Variants in RELN observed in about 807,000 individuals in gnomAD.
RELN encodes reelin.
In RELN, 108 loss-of-function variants were observed where a neutral mutation model predicts 427.6. The ratio of observed to expected loss-of-function variants is 0.25; its 90% CI spans 0.22 to 0.30. RELN has a LOEUF of 0.30. Ranked by LOEUF, RELN falls within the 10% of genes least tolerant of loss-of-function variation. RELN has a pLI of 1.00. For synonymous variants in RELN, 1,524 were observed against 1,513.4 expected, an observed-to-expected ratio of 1.01 and a Z score of -0.16; for missense variants, 3,715 against 4,302.8, an observed-to-expected ratio of 0.86 and a Z score of 3.82.
At chr7:103,612,678 C>G (rs1393701787) in intron 20 of RELN, among the ~76,000 whole-genome samples, 3 of 152,124 alleles carry the variant, frequency 2.0e-5, no homozygotes, top group African/African-American at 7.2e-5. Flanking sequence ...TTACAATTTT[C>G]TTTTTGTTTT....
chr7:103,689,248 G>C (rs185484513), intron 10 of RELN, among the ~76,000 whole-genome samples: 20 of 152,078 alleles, frequency 1.3e-4, no homozygotes, highest in African/African-American at 4.8e-4. Flanking sequence ...CAATGAACTA[G>C]GGTAATAAAG....
chr7:103,949,504 A>G (rs180673834), intron 1 of RELN, among the ~76,000 whole-genome samples: 1 of 152,114 alleles, frequency 6.6e-6, no homozygotes, highest in Non-Finnish European at 1.5e-5. Context: ...AGGAAGAGAC[A>G]CAAGACAGCT....
intron 8 of RELN, among the ~76,000 whole-genome samples, chr7:103,717,696 C>A (rs949840621): frequency 7.2e-5 from 11 of 151,830 alleles, no homozygotes; most frequent in African/African-American, 2.7e-4. Context: ...TAGTCTTATA[C>A]TTAGAGGTGT....
chr7:103,948,276 C>T (rs1444402388), intron 1 of RELN, among the ~76,000 whole-genome samples: 2 of 152,178 alleles, frequency 1.3e-5, no homozygotes, highest in Non-Finnish European at 2.9e-5. Context: ...CTGGTGAACA[C>T]ACACATGCAC....
intron 10 of RELN, among the ~76,000 whole-genome samples, chr7:103,688,064 C>T (rs1833799771): frequency 6.6e-6 from 1 of 152,068 alleles, no homozygotes; most frequent in South Asian, 2.1e-4. Context: ...TTATACCCAC[C>T]TCTTGGGGGA....
At chr7:103,887,163 C>T (rs1291723198) in intron 2 of RELN, among the ~76,000 whole-genome samples, 1 of 152,146 alleles carries the variant, frequency 6.6e-6, no homozygotes, top group Non-Finnish European at 1.5e-5. Context: ...TGCTAAAGAG[C>T]TGAAATAGAG....
chr7:103,987,117 A>T (rs1243225345), intron 1 of RELN, among the ~76,000 whole-genome samples: 2 of 151,872 alleles, frequency 1.3e-5, no homozygotes, highest in Non-Finnish European at 2.9e-5. Flanking sequence ...CTATAGCTAC[A>T]GCTAGTTCCA....
intron 38 of RELN, among the ~76,000 whole-genome samples, chr7:103,555,884 T>C (rs1830510544): frequency 6.6e-6 from 1 of 152,190 alleles, no homozygotes; most frequent in Non-Finnish European, 1.5e-5. Flanking sequence ...GTTAAGGAAA[T>C]AGGTTAAATT....
intron 49 of RELN, 45 bp downstream of exon 49, chr7:103,519,276 ATC>A (rs761090975): frequency 4.1e-6 from 6 of 1,446,020 alleles, no homozygotes; most frequent in Non-Finnish European, 5.8e-6. Context: ...GCTGGTAGCA[ATC>A]TCTGCTCGAT....
chr7:103,579,473 C>G (rs1831078545), intron 28 of RELN, among the ~76,000 whole-genome samples: 1 of 151,820 alleles, frequency 6.6e-6, no homozygotes, highest in Non-Finnish European at 1.5e-5. Context: ...TTGGCACATG[C>G]TTGTAATTCC....
chr7:103,770,949 C>G (rs1334055643), intron 4 of RELN, among the ~76,000 whole-genome samples: 2 of 137,354 alleles, frequency 1.5e-5, no homozygotes, highest in African/African-American at 5.5e-5. Context: ...GAGTCTTGCT[C>G]TGTTGCCCAG....
chr7:103,513,604 G>C (rs1296784813), intron 50 of RELN: 1 of 151,964 alleles, frequency 6.6e-6, no homozygotes, highest in African/African-American at 2.4e-5. Flanking sequence ...TTTTAAACGA[G>C]GGTGTTTCAA....
rs6958433 is a variant in RELN, at chr7:103,716,603, C to A, written c.805+6537G>T. ...CAAGAATGCAGATAGTATTCAGCACCAATGTGGAACAGTATGAAATCCCTA... is the reference window on the plus strand; with the variant it reads ...CAAGAATGCAGATAGTATTCAGCACAAATGTGGAACAGTATGAAATCCCTA... On this transcript the variant is annotated intron_variant, in intron 8 of 64. Transcript: ENST00000428762. Among the ~76,000 whole-genome samples the A allele has an allele frequency of 9.4e-4, 143 of 152,116 alleles. 1 individual carries two copies. Among genetic ancestry groups the A allele is most frequent in the African/African-American group, 3.4e-3 (140 of 41,516 alleles).
intron 46 of RELN, among the ~76,000 whole-genome samples, chr7:103,528,965 G>A (rs934379980): frequency 2.6e-5 from 4 of 151,504 alleles, no homozygotes; most frequent in African/African-American, 4.8e-5. Context: ...GTGAAACCCC[G>A]TCTCTACTAA....
rs750955854 is a variant in RELN, at chr7:103,557,195, T to C, written c.5615-36A>G. 4.6e-6 allele frequency: 7 copies of C among 1,525,048 alleles called. No individual in the cohort carries two copies. The South Asian group carries it at 5.6e-5, about 12-fold the overall frequency. The allele number at this position is 1,525,048 out of a possible 1,614,324, so 94.5% of individuals were successfully genotyped here. ...GATAACACAGGTATAAAACATACTG[T>C]GATAAAAATGGGGAAATGGTATGTT... is the stretch of plus-strand genomic sequence containing the variant. On this transcript the variant is annotated intron_variant, in intron 37 of 64. Coordinates refer to ENST00000428762, the MANE Select transcript of RELN (RefSeq NM_005045.4).
At chr7:103,790,383 CT>C (rs1270912682) in intron 3 of RELN, among the ~76,000 whole-genome samples, 1 of 151,990 alleles carries the variant, frequency 6.6e-6, no homozygotes, top group African/African-American at 2.4e-5. Context: ...CTTTATTCTA[CT>C]GTTGTTGGAA....
intron 1 of RELN, among the ~76,000 whole-genome samples, chr7:103,940,938 A>C (rs986685953): frequency 6.6e-6 from 1 of 152,218 alleles, no homozygotes; most frequent in Admixed American, 6.5e-5. Flanking sequence ...GATTCCATCC[A>C]AGCCTGGAAA....
intron 2 of RELN, among the ~76,000 whole-genome samples, chr7:103,859,733 CT>C (rs1295753661): frequency 6.6e-6 from 1 of 152,172 alleles, no homozygotes; most frequent in Non-Finnish European, 1.5e-5. Flanking sequence ...GGCACTTGAA[CT>C]TTTCTTCACA....
intron 1 of RELN, among the ~76,000 whole-genome samples, chr7:103,961,188 A>T (rs1386481598): frequency 6.6e-6 from 1 of 152,240 alleles, no homozygotes; most frequent in Non-Finnish European, 1.5e-5. Context: ...CATTTTTCAG[A>T]AGATACTCTC....
Sources: gnomAD v4.1 joint callset for allele counts (sites outside exome capture counted in the v4.1 genomes callset) on GRCh38, gnomAD v4.1.1 for gene constraint, MANE v1.5 for transcripts, NCBI Gene and HGNC (gene_info 2026-07-23, HGNC 2026-07-21) for gene names.